RRP1: variants seen among roughly 807,000 people sequenced by gnomAD.
The protein encoded by RRP1 is ribosomal RNA processing 1, also known as ribosomal RNA processing protein 1 homolog A.
A neutral mutation model predicts 54.6 loss-of-function variants in RRP1; 37 were observed. The ratio of observed to expected loss-of-function variants is 0.68; its 90% confidence interval spans 0.52 to 0.89. RRP1 has a LOEUF of 0.89. RRP1 is among the 40% of genes least tolerant of loss of function. The pLI, the probability that RRP1 is intolerant of heterozygous loss-of-function variation, is 0.00. For synonymous variants in RRP1, 262 were observed against 244.3 expected (o/e 1.07, Z -0.67); for missense variants, 639 against 612.5 (o/e 1.04, Z -0.46).
chr21:43,794,960 C>A (rs994702076), intron 4 of RRP1, among the ~76,000 whole-genome samples: 1 of 152,228 alleles, frequency 6.6e-6, no homozygotes, highest in Non-Finnish European at 1.5e-5. Context: ...CCAGCTGGGG[C>A]CTTGGAGCCG....
intron 9 of RRP1, among the ~76,000 whole-genome samples, chr21:43,800,066 G>A (rs1363607668): frequency 1.3e-5 from 2 of 152,280 alleles, no homozygotes; most frequent in Admixed American, 1.3e-4. Flanking sequence ...CACTCAGCCA[G>A]TGGGGTCTGA....
intron 1 of RRP1, chr21:43,791,098 T>C: frequency 3.3e-6 from 2 of 598,248 alleles, no homozygotes; most frequent in Non-Finnish European, 6.3e-6. Flanking sequence ...TGGTGCCTGA[T>C]ACCTTGTAGA....
intron 5 of RRP1, 103 bp downstream of exon 5, chr21:43,795,353 T>G: frequency 2.8e-6 from 3 of 1,062,236 alleles, no homozygotes; most frequent in Non-Finnish European, 2.9e-6. Context: ...GCCTTTATAT[T>G]AACGCATGCC....
chr21:43,791,509 C>CA, intron 2 of RRP1, 77 bp downstream of exon 2: 2 of 1,252,016 alleles, frequency 1.6e-6, no homozygotes, highest in African/African-American at 1.5e-5. Context: ...CCCAGTTTTT[C>CA]TTTTTTTTTT....
chr21:43,797,625 C>G lies in RRP1; in HGVS notation c.553-6C>G. On this transcript the variant is annotated splice_region_variant and splice_polypyrimidine_tract_variant and intron_variant, in intron 6 of 12. Transcript: ENST00000497547. ...GGAACTGAGCTCCCGCTGGCTTTCC[C>G]CGTAGCTTACGGCAGACCAGAACCT... The G allele has an allele frequency of 5.0e-6, 8 of 1,614,178 alleles. No individual in the cohort carries two copies. The highest frequency in any genetic ancestry group is 6.8e-6 in the Non-Finnish European group (8 of 1,180,036).
In RRP1 at chr21:43,789,655, C is replaced by T; in HGVS notation, c.26C>T (p.Pro9Leu). The change falls in exon 1 of 13, where the codon CCT (proline) becomes CTT (leucine). Residue 9 changes from proline (P) to leucine (L), a missense_variant. Pro to Leu is a moderately conservative substitution (Grantham distance 98). Transcript: ENST00000497547. MVSRVQLPPEIQLAQRLAG... is the reference protein window; with the variant it reads MVSRVQLPLEIQLAQRLAG... ...ATGGTTTCGCGCGTGCAGCTCCCGC[C>T]TGAGATCCAGCTGGCTCAGCGCCTG... 2.5e-6 allele frequency: 4 copies of T among 1,582,590 alleles called. No individual in the cohort carries two copies. Among genetic ancestry groups the T allele is most frequent in the Non-Finnish European group, 3.4e-6 (4 of 1,165,984 alleles).
chr21:43,801,503 C>T (rs1204453785), intron 11 of RRP1, among the ~76,000 whole-genome samples: 1 of 152,168 alleles, frequency 6.6e-6, no homozygotes, highest in Admixed American at 6.5e-5. Context: ...GAGGCGGTGT[C>T]TCGCTCTGTT....
chr21:43,803,851 CTGTAGACTCAGGACCGTGGCTCCA>C lies in RRP1; in HGVS notation c.*78_*101del. On this transcript the variant is annotated 3_prime_UTR_variant, in exon 13 of 13. Coordinates refer to ENST00000497547, the MANE Select transcript of RRP1 (RefSeq NM_003683.6). ...GCGGGACGAGGCTGACCGGGCTGTT[CTGTAGACTCAGGACCGTGGCTCCA>C]GAACTCCTGTGCCAGGCGGGAGGGA... 1 of 1,455,718 alleles carries C rather than the reference CTGTAGACTCAGGACCGTGGCTCCA, an allele frequency of 6.9e-7. No homozygotes were observed. Among genetic ancestry groups the C allele is most frequent in the African/African-American group, 1.4e-5 (1 of 71,014 alleles). 90.2% of individuals were successfully genotyped at this position (1,455,718 alleles called of 1,614,324 possible).
intron 5 of RRP1, 149 bp downstream of exon 5, chr21:43,795,399 T>A: frequency 1.3e-6 from 1 of 756,612 alleles, no homozygotes; most frequent in Non-Finnish European, 2.2e-6. Context: ...GTTTTTAAAG[T>A]AAAAATCAGT....
At position 43,803,560 on chromosome 21, in the gene RRP1, G is replaced by GC. The variant is rs765018002; in HGVS notation, c.1173dup (p.Arg392GlnfsTer17). ...AGCCCGGGCATGGAGAGGAAGAGGA[G>GC]CAGGAGGAGGGGTGTAGGGGCCGAC... On this transcript the variant is annotated frameshift_variant, in exon 13 of 13. Coordinates refer to ENST00000497547, the MANE Select transcript of RRP1 (RefSeq NM_003683.6). LOFTEE classifies it low-confidence loss of function (END_TRUNC). 1 of 1,556,782 alleles carries GC rather than the reference G, an allele frequency of 6.4e-7. No individual in the cohort carries two copies. Among genetic ancestry groups the GC allele is most frequent in the Non-Finnish European group, 8.7e-7 (1 of 1,150,554 alleles).
At chr21:43,790,747 C>A in intron 1 of RRP1, 1 of 299,890 alleles carries the variant, frequency 3.3e-6, no homozygotes, top group South Asian at 2.8e-5. Context: ...TGCGGCCAGG[C>A]CAGCTAAGTT....
At chr21:43,794,248 C>T (rs1433551820) in intron 4 of RRP1, among the ~76,000 whole-genome samples, 1 of 152,178 alleles carries the variant, frequency 6.6e-6, no homozygotes, top group African/African-American at 2.4e-5. Context: ...CCAGGGCAGG[C>T]CAGGGGCCCG....
At chr21:43,798,793 T>C (rs908454984) in intron 8 of RRP1, among the ~76,000 whole-genome samples, 3 of 152,268 alleles carry the variant, frequency 2.0e-5, no homozygotes, top group Admixed American at 1.3e-4. Flanking sequence ...GAGCTCTAAG[T>C]GTGGCATCCT....
chr21:43,802,703 C>T (rs1319670265), intron 12 of RRP1, among the ~76,000 whole-genome samples: 5 of 152,340 alleles, frequency 3.3e-5, no homozygotes, highest in African/African-American at 4.8e-5. Context: ...AAGCCCCGTC[C>T]GCTCCTCTCC....
intron 11 of RRP1, among the ~76,000 whole-genome samples, 180 bp from the exon 12 acceptor site, chr21:43,802,094 C>T (rs914160891): frequency 1.3e-5 from 2 of 152,172 alleles, no homozygotes; most frequent in African/African-American, 4.8e-5. Context: ...GCTTGGGTCT[C>T]AGCTGGTTCG....
intron 5 of RRP1, among the ~76,000 whole-genome samples, chr21:43,795,869 C>T (rs1359267584): frequency 1.3e-5 from 2 of 152,244 alleles, no homozygotes; most frequent in East Asian, 1.9e-4. Flanking sequence ...TGGCTGGGCG[C>T]GGTGGCTCAC....
intron 2 of RRP1, among the ~76,000 whole-genome samples, chr21:43,792,063 G>A (rs1326619981): frequency 3.9e-5 from 6 of 152,228 alleles, no homozygotes; most frequent in African/African-American, 1.2e-4. Flanking sequence ...AGACAAGGAC[G>A]TCTCCTGCTA....
chr21:43,791,168 C>A, intron 1 of RRP1, 182 bp from the exon 2 acceptor site: 2 of 668,562 alleles, frequency 3.0e-6, no homozygotes, highest in Non-Finnish European at 5.5e-6. Context: ...CGCATAGCCA[C>A]AGGCGCGGCA....
In RRP1 at chr21:43,799,667, A is replaced by C; in HGVS notation, c.891+18A>C. On this transcript the variant is annotated intron_variant, in intron 9 of 12. Transcript: ENST00000497547. ...TTCTCCAGGTGGGTTCCCTGGGCTC[A>C]TGGCTGTGCCCTCAGCCTTTGCCCC... 6.4e-5 allele frequency: 102 copies of C among 1,600,066 alleles called. No individual in the cohort carries two copies. Among genetic ancestry groups the C allele is most frequent in the Non-Finnish European group, 8.1e-5 (95 of 1,173,814 alleles).
Sources: gnomAD v4.1 joint callset for allele counts (sites outside exome capture counted in the v4.1 genomes callset) on GRCh38, gnomAD v4.1.1 for gene constraint, MANE v1.5 for transcripts, NCBI Gene and HGNC (gene_info 2026-07-23, HGNC 2026-07-21) for gene names.